Variants in SYT1 observed in about 807,000 individuals in gnomAD.
SYT1 encodes the protein synaptotagmin 1, also known as synaptotagmin-1.
A neutral mutation model predicts 44.8 loss-of-function variants in SYT1; 8 were observed. The observed-to-expected ratio is 0.18, with a 90% CI of 0.10 to 0.32. The LOEUF is 0.32. Among genes scored for constraint, SYT1 ranks in the 10% least tolerant of loss-of-function variants. The pLI is 1.00. For synonymous variants in SYT1, 154 were observed against 188.8 expected (o/e 0.82, Z 1.51); for missense variants, 286 against 509.3 (o/e 0.56, Z 4.22).
At chr12:78,899,087 C>T (rs1017833860) in intron 1 of SYT1, among the ~76,000 whole-genome samples, 2 of 152,028 alleles carry the variant, frequency 1.3e-5, no homozygotes, top group African/African-American at 4.8e-5. Context: ...GCACATTCTG[C>T]TGTAATATTG....
intron 1 of SYT1, among the ~76,000 whole-genome samples, chr12:78,908,112 C>A (rs971816541): frequency 1.3e-5 from 2 of 151,834 alleles, no homozygotes; most frequent in African/African-American, 4.8e-5. Flanking sequence ...GTGTGTTTTT[C>A]TCATCTTGCC....
intron 3 of SYT1, among the ~76,000 whole-genome samples, chr12:79,153,266 A>G (rs1870391286): frequency 6.6e-6 from 1 of 152,160 alleles, no homozygotes; most frequent in Admixed American, 6.6e-5. Flanking sequence ...TATGATCTCT[A>G]TAATCAATTG....
intron 3 of SYT1, among the ~76,000 whole-genome samples, chr12:79,173,948 T>C (rs1482600946): frequency 6.6e-6 from 1 of 152,040 alleles, no homozygotes; most frequent in South Asian, 2.1e-4. Flanking sequence ...ATAGATGTTG[T>C]GGAGTTCAGG....
intron 3 of SYT1, among the ~76,000 whole-genome samples, chr12:79,074,645 A>G (rs753777539): frequency 2.0e-5 from 3 of 152,094 alleles, no homozygotes; most frequent in Non-Finnish European, 2.9e-5. Flanking sequence ...GCGACATCCT[A>G]TGTCAGCCTC....
At chr12:78,919,195 T>TA (rs1876841415) in intron 1 of SYT1, among the ~76,000 whole-genome samples, 2 of 152,090 alleles carry the variant, frequency 1.3e-5, no homozygotes, top group African/African-American at 2.4e-5. Flanking sequence ...TAAATTTTTT[T>TA]TAAAAAAAGT....
At chr12:78,981,963 C>G (rs1256092379) in intron 2 of SYT1, among the ~76,000 whole-genome samples, 2 of 152,052 alleles carry the variant, frequency 1.3e-5, no homozygotes, top group Non-Finnish European at 2.9e-5. Context: ...GTGTGGATAA[C>G]CCAGAGAAGA....
At chr12:78,907,679 A>G (rs1020607137) in intron 1 of SYT1, among the ~76,000 whole-genome samples, 1 of 151,994 alleles carries the variant, frequency 6.6e-6, no homozygotes, top group South Asian at 2.1e-4. Flanking sequence ...CAAAATATAA[A>G]ATGCCAAGTG....
intron 3 of SYT1, among the ~76,000 whole-genome samples, chr12:79,204,234 G>A (rs1244330819): frequency 6.6e-6 from 1 of 152,204 alleles, no homozygotes; most frequent in Non-Finnish European, 1.5e-5. Context: ...ATAAATGTTA[G>A]ATATTTTTAT....
At chr12:79,171,202 A>C (rs1337062137) in intron 3 of SYT1, among the ~76,000 whole-genome samples, 3 of 152,048 alleles carry the variant, frequency 2.0e-5, no homozygotes, top group Non-Finnish European at 4.4e-5. Flanking sequence ...CATGAATTTT[A>C]AAATAGTTTT....
intron 3 of SYT1, among the ~76,000 whole-genome samples, chr12:79,182,914 G>C (rs1872620668): frequency 6.6e-6 from 1 of 152,078 alleles, no homozygotes; most frequent in Non-Finnish European, 1.5e-5. Context: ...ATTGTGTACA[G>C]ATAATAATAT....
chr12:79,095,508 C>T (rs1212010353), intron 3 of SYT1, among the ~76,000 whole-genome samples: 1 of 151,580 alleles, frequency 6.6e-6, no homozygotes, highest in Non-Finnish European at 1.5e-5. Context: ...CTACATATAA[C>T]CAATTTATTT....
intron 3 of SYT1, among the ~76,000 whole-genome samples, chr12:79,098,641 G>A (rs1420672706): frequency 1.3e-5 from 2 of 152,218 alleles, no homozygotes; most frequent in South Asian, 4.1e-4. Flanking sequence ...CTGGTTAGTG[G>A]TGACTTAGTA....
chr12:79,143,302 G>A (rs963155819), intron 3 of SYT1, among the ~76,000 whole-genome samples: 34 of 152,078 alleles, frequency 2.2e-4, no homozygotes, highest in African/African-American at 5.8e-4. Flanking sequence ...CTTTTGCAGC[G>A]TTTTCATGTG....
chr12:79,029,629 C>G (rs1323165928), intron 2 of SYT1, among the ~76,000 whole-genome samples: 1 of 150,956 alleles, frequency 6.6e-6, no homozygotes, highest in Non-Finnish European at 1.5e-5. Flanking sequence ...CTAAGGAATC[C>G]TGAATGAAAT....
chr12:79,049,468 AAG>A, intron 3 of SYT1, among the ~76,000 whole-genome samples: 1 of 151,974 alleles, frequency 6.6e-6, no homozygotes, highest in South Asian at 2.1e-4. Context: ...CATGCAAAAA[AAG>A]ACTCTTCTTA....
At chr12:79,398,510 A>G (rs539538462) in intron 9 of SYT1, among the ~76,000 whole-genome samples, 1 of 152,190 alleles carries the variant, frequency 6.6e-6, no homozygotes, top group Non-Finnish European at 1.5e-5. Context: ...GAAGTCAGTA[A>G]ATAGGTGCCG....
chr12:79,103,953 A>G (rs1395782286), intron 3 of SYT1, among the ~76,000 whole-genome samples: 1 of 152,202 alleles, frequency 6.6e-6, no homozygotes, highest in African/African-American at 2.4e-5. Context: ...CTGTAAGAAC[A>G]TAAGGCAGGA....
At position 79,217,645 on chromosome 12, in the gene SYT1, G is replaced by A; in HGVS notation, c.126G>A (p.Lys42=). 6.2e-7 allele frequency: 1 copy of A among 1,613,036 alleles called. No homozygotes were observed. Among genetic ancestry groups the A allele is most frequent in the South Asian group, 1.1e-5 (1 of 90,964 alleles). Reference sequence around the variant, plus strand: ...AAGGAAAGGAAGATGCATTTTCTAAGCTGAAGGAGAAGTTTATGAATGAGT... The same window carrying A: ...AAGGAAAGGAAGATGCATTTTCTAAACTGAAGGAGAAGTTTATGAATGAGT... ...PGEGKEDAFS[K]LKEKFMNELH... Residue 42 remains lysine (K), a synonymous_variant, in exon 4 of 11, where the codon AAG becomes AAA. Transcript: ENST00000261205.
intron 2 of SYT1, among the ~76,000 whole-genome samples, chr12:79,024,361 G>T (rs957788424): frequency 6.6e-6 from 1 of 151,716 alleles, no homozygotes; most frequent in African/African-American, 2.4e-5. Context: ...CAGAACCCAG[G>T]GTTGTGCTGC....
Sources: allele counts gnomAD v4.1 joint callset (sites outside exome capture counted in the v4.1 genomes callset), GRCh38; gene constraint gnomAD v4.1.1; transcripts MANE v1.5; gene names NCBI Gene and HGNC (gene_info 2026-07-23, HGNC 2026-07-21).